PRKAG2: variants seen among roughly 807,000 people sequenced by gnomAD.
The protein encoded by PRKAG2 is protein kinase AMP-activated non-catalytic subunit gamma 2.
PRKAG2 carries 26 observed loss-of-function variants against 69.6 expected under a neutral mutation model. The observed-to-expected ratio is 0.37, with a 90% CI of 0.27 to 0.52. PRKAG2 has a LOEUF of 0.52. Ranked by LOEUF, PRKAG2 falls within the 20% of genes least tolerant of loss-of-function variation. The pLI, the probability that PRKAG2 is intolerant of heterozygous loss-of-function variation, is 0.90. For missense variants in PRKAG2, 557 were observed against 740.0 expected, an observed-to-expected ratio of 0.75 and a Z score of 2.87; for synonymous variants, 293 against 285.0, an observed-to-expected ratio of 1.03 and a Z score of -0.28.
intron 5 of PRKAG2, among the ~76,000 whole-genome samples, chr7:151,619,334 G>T (rs1263317443): frequency 6.6e-6 from 1 of 152,174 alleles, no homozygotes; most frequent in Non-Finnish European, 1.5e-5. Context: ...GACCCACCTT[G>T]GCAGGTACAG....
At chr7:151,789,628 G>A (rs988561449) in intron 1 of PRKAG2, among the ~76,000 whole-genome samples, 2 of 152,206 alleles carry the variant, frequency 1.3e-5, no homozygotes, top group African/African-American at 4.8e-5. Context: ...ACTGAGACAC[G>A]CCAGTGAGAT....
intron 5 of PRKAG2, among the ~76,000 whole-genome samples, chr7:151,611,399 G>T (rs117440434): frequency 0.054 from 8,296 of 152,286 alleles, 342 homozygotes; most frequent in Middle Eastern, 0.1. Flanking sequence ...GCTTGCCAGA[G>T]GCCGCCCTGT....
rs144626434 is a variant in PRKAG2 at position 151,723,474 on chromosome 7, C to A, written c.467-47837G>T. ...CATTTCACTTCTAAGAACATGGTGG[C>A]GAACTGGCCCACGCCCTAGGTCACG... On this transcript the variant is annotated intron_variant, in intron 3 of 15. Transcript: ENST00000287878. Among the ~76,000 whole-genome samples, 109 of 152,324 alleles carry A rather than the reference C, an allele frequency of 7.2e-4. 1 individual carries two copies. The highest frequency in any genetic ancestry group is 2.6e-3 in the African/African-American group (108 of 41,580).
In PRKAG2 at chr7:151,850,956, C is replaced by T. The variant is rs1156425081; in HGVS notation, c.114+25551G>A. On this transcript the variant is annotated intron_variant, in intron 1 of 15. Coordinates refer to ENST00000287878, the MANE Select transcript of PRKAG2 (RefSeq NM_016203.4). The surrounding 1 kb of genome is among the most constrained non-coding windows in gnomAD (Gnocchi z 4.1). Reference sequence around the variant, plus strand: ...GTCACTTGAGCTCCAAGGCACGGCCCACAGGGGTACCCCTGCTCCCCAACC... The same window carrying T: ...GTCACTTGAGCTCCAAGGCACGGCCTACAGGGGTACCCCTGCTCCCCAACC... 6.6e-6 allele frequency among the ~76,000 whole-genome samples: 1 copy of T among 152,178 alleles called. No individual in the cohort carries two copies. The highest frequency in any genetic ancestry group is 1.5e-5 in the Non-Finnish European group (1 of 68,040).
At chr7:151,830,681 A>G (rs550403888) in intron 1 of PRKAG2, among the ~76,000 whole-genome samples, 182 of 149,276 alleles carry the variant, frequency 1.2e-3, no homozygotes, top group African/African-American at 4.1e-3. Flanking sequence ...GAGGAACCAG[A>G]GCCTGGCCTG....
chr7:151,803,319 C>T (rs751784866), intron 1 of PRKAG2, among the ~76,000 whole-genome samples: 18 of 152,010 alleles, frequency 1.2e-4, no homozygotes, highest in Non-Finnish European at 2.1e-4. Flanking sequence ...TGATGATTTG[C>T]GATTAAAACA....
Position 151,699,882 on chromosome 7 carries a change from T to C in PRKAG2, c.467-24245A>G, listed in dbSNP as rs1053390593. Among the ~76,000 whole-genome samples the C allele has an allele frequency of 3.3e-5, 5 of 152,208 alleles. No homozygotes were observed. The highest frequency in any genetic ancestry group is 9.6e-5 in the African/African-American group (4 of 41,520). Reference sequence around the variant, plus strand: ...TGGGACTAAGATAAACTGGGGTACATAGCGGAGGAAGAAGGGAGTAGAGGG... The same window carrying C: ...TGGGACTAAGATAAACTGGGGTACACAGCGGAGGAAGAAGGGAGTAGAGGG... On this transcript the variant is annotated intron_variant, in intron 3 of 15. Coordinates refer to ENST00000287878, the MANE Select transcript of PRKAG2 (RefSeq NM_016203.4). The surrounding 1 kb of genome is among the most constrained non-coding windows in gnomAD (Gnocchi z 4.5).
chr7:151,770,269 C>T (rs1020177134), intron 3 of PRKAG2, among the ~76,000 whole-genome samples: 1 of 152,182 alleles, frequency 6.6e-6, no homozygotes, highest in Non-Finnish European at 1.5e-5. Context: ...AGACAGTCTT[C>T]GCATCCTTGG....
rs2079686015 is a variant in PRKAG2 at position 151,855,063 on chromosome 7, CCTCCACACACACCAT to C, written c.114+21429_114+21443del. Among the ~76,000 whole-genome samples, 42 of 42,244 alleles carry C rather than the reference CCTCCACACACACCAT, an allele frequency of 9.9e-4. 1 individual carries two copies. The highest frequency in any genetic ancestry group is 7.5e-3 in the East Asian group (5 of 664). The allele number at this position is 42,244 out of a possible 152,430, so 27.7% of individuals were successfully genotyped here. On this transcript the variant is annotated intron_variant, in intron 1 of 15. Coordinates refer to ENST00000287878, the MANE Select transcript of PRKAG2 (RefSeq NM_016203.4). ...ACACACCGCCCTCCACACACACCAT[CCTCCACACACACCAT>C]CCTCCACACACACCATCCTCCACAC... is the stretch of plus-strand genomic sequence containing the variant.
chr7:151,732,135 T>A (rs976282071), intron 3 of PRKAG2, among the ~76,000 whole-genome samples: 42 of 3,134 alleles, frequency 0.013, no homozygotes, highest in Non-Finnish European at 0.022. Context: ...GCACCTGGCT[T>A]TTTTTTTTTT....
intron 1 of PRKAG2, among the ~76,000 whole-genome samples, chr7:151,837,876 C>T (rs970414549): frequency 6.6e-6 from 1 of 152,208 alleles, no homozygotes; most frequent in African/African-American, 2.4e-5. Flanking sequence ...CCCACAGCAG[C>T]TTCTCCTCCG....
chr7:151,861,627 C>T (rs2079928321), intron 1 of PRKAG2, among the ~76,000 whole-genome samples: 1 of 151,740 alleles, frequency 6.6e-6, no homozygotes, highest in African/African-American at 2.4e-5. Flanking sequence ...ATGGTGGCCA[C>T]AGCTACATTC....
intron 1 of PRKAG2, among the ~76,000 whole-genome samples, chr7:151,804,963 G>A (rs868044032): frequency 3.3e-5 from 5 of 152,152 alleles, no homozygotes; most frequent in African/African-American, 9.7e-5. Context: ...TCTGAAAGCC[G>A]CTGCGGAAGT....
chr7:151,569,237 G>A (rs1168303807), intron 10 of PRKAG2, among the ~76,000 whole-genome samples: 3 of 152,170 alleles, frequency 2.0e-5, no homozygotes, highest in South Asian at 2.1e-4. Flanking sequence ...GTTTTGCCAC[G>A]TTGCCCAGGC....
chr7:151,613,348 C>G (rs58562421), intron 5 of PRKAG2, among the ~76,000 whole-genome samples: 145 of 152,200 alleles, frequency 9.5e-4, no homozygotes, highest in African/African-American at 3.5e-3. Context: ...TTTTGAGCAT[C>G]CATACTACAC....
At chr7:151,620,570 C>T (rs1305394753) in intron 5 of PRKAG2, among the ~76,000 whole-genome samples, 2 of 151,986 alleles carry the variant, frequency 1.3e-5, no homozygotes, top group African/African-American at 4.8e-5. Context: ...CTCAAATGGC[C>T]AGGCTCAAGC....
intron 4 of PRKAG2, among the ~76,000 whole-genome samples, chr7:151,664,960 C>A (rs992768388): frequency 2.0e-5 from 3 of 152,164 alleles, no homozygotes; most frequent in African/African-American, 7.2e-5. Flanking sequence ...CACTACTGGA[C>A]ATTTCCATTT....
At chr7:151,711,004 T>C (rs148416796) in intron 3 of PRKAG2, among the ~76,000 whole-genome samples, 62 of 152,160 alleles carry the variant, frequency 4.1e-4, no homozygotes, top group African/African-American at 1.4e-3. Context: ...AGGAATACAG[T>C]ACTAACATGC....
chr7:151,666,205 A>C (rs1270285872), intron 4 of PRKAG2, among the ~76,000 whole-genome samples: 1 of 152,190 alleles, frequency 6.6e-6, no homozygotes, highest in Non-Finnish European at 1.5e-5. Context: ...GTTTCCCCAA[A>C]ATTCATATGC....
Sources: gnomAD v4.1 joint callset for allele counts (sites outside exome capture counted in the v4.1 genomes callset) on GRCh38, gnomAD v4.1.1 for gene constraint, Gnocchi (gnomAD v3.1) non-coding constraint, MANE v1.5 for transcripts, NCBI Gene and HGNC (gene_info 2026-07-23, HGNC 2026-07-21) for gene names.